Variants in CFAP44 observed in about 807,000 individuals in gnomAD.
CFAP44 encodes the protein cilia- and flagella-associated protein 44.
CFAP44 carries 134 observed loss-of-function variants against 216.2 expected under a neutral mutation model. The observed-to-expected ratio is 0.62, with a 90% CI of 0.54 to 0.72. The LOEUF (loss-of-function observed/expected upper bound fraction) is 0.72, where lower values mean the gene tolerates loss of function less well. Ranked by LOEUF, CFAP44 falls within the 30% of genes least tolerant of loss-of-function variation. CFAP44 has a pLI of 0.00. For missense variants in CFAP44, 2,035 were observed against 2,182.1 expected, an observed-to-expected ratio of 0.93 and a Z score of 1.34; for synonymous variants, 700 against 727.6, an observed-to-expected ratio of 0.96 and a Z score of 0.61.
At chr3:113,418,574 C>G (rs1424970936) in intron 5 of CFAP44, among the ~76,000 whole-genome samples, 1 of 152,194 alleles carries the variant, frequency 6.6e-6, no homozygotes, top group Non-Finnish European at 1.5e-5. Flanking sequence ...GTAACACGGA[C>G]AGTGGAGGCA....
chr3:113,427,608 G>T, intron 2 of CFAP44: 1 of 294,344 alleles, frequency 3.4e-6, no homozygotes, highest in Non-Finnish European at 6.1e-6. Flanking sequence ...AAAAGAAAGA[G>T]GTTAGTATGC....
intron 22 of CFAP44, among the ~76,000 whole-genome samples, chr3:113,345,743 T>C (rs931807862): frequency 1.3e-5 from 2 of 152,146 alleles, no homozygotes; most frequent in African/African-American, 4.8e-5. Flanking sequence ...GGGGCATTGG[T>C]TCATAATTAT....
intron 34 of CFAP44, chr3:113,293,847 C>G (rs1949854834): frequency 2.9e-6 from 1 of 341,658 alleles, no homozygotes; most frequent in Non-Finnish European, 5.7e-6. Flanking sequence ...TTCTTAAACT[C>G]TAGTGTGCTT....
intron 34 of CFAP44, among the ~76,000 whole-genome samples, chr3:113,292,928 G>A (rs1261397609): frequency 6.6e-6 from 1 of 152,200 alleles, no homozygotes; most frequent in Non-Finnish European, 1.5e-5. Context: ...GTGCATGGAT[G>A]TGAAACATGG....
chr3:113,418,296 AG>A lies in CFAP44; in HGVS notation c.571-1670del, dbSNP rs373896325. Among the ~76,000 whole-genome samples, 283 of 152,214 alleles carry A rather than the reference AG, an allele frequency of 1.9e-3. 2 individuals carry two copies. The highest frequency in any genetic ancestry group is 5.5e-3 in the African/African-American group (230 of 41,540). ...GATACGGGGTTTTACCATGTTGGCCAGGCTTGTCTTGAACTCCTGGCCTCAA... is the reference window on the plus strand; with the variant it reads ...GATACGGGGTTTTACCATGTTGGCCAGCTTGTCTTGAACTCCTGGCCTCAA... On this transcript the variant is annotated intron_variant, in intron 5 of 34. Coordinates refer to ENST00000393845, the MANE Select transcript of CFAP44 (RefSeq NM_001164496.2).
rs534192528 is a variant in CFAP44, at chr3:113,358,769, A to C, written c.3041T>G (p.Leu1014Arg). Residue 1014 changes from leucine (L) to arginine (R), a missense_variant, in exon 22 of 35, where the codon CTC (leucine) becomes CGC (arginine). Around this residue, in one of 3 missense-constraint regions of CFAP44, gnomAD observed 1,883 missense variants for 2,023.7 expected, o/e 0.93. Coordinates refer to ENST00000393845, the MANE Select transcript of CFAP44 (RefSeq NM_001164496.2). ...ELAWEKEKHE[L>R]GLMKLKNRFR... The stretch of plus-strand genomic sequence containing the variant: ...CCGATTCTTTAGCTTCATTAGGCCG[A>C]GTTCATGTTTCTCTTTTTCCCAAGC... 3 of 1,536,706 alleles carry C rather than the reference A, an allele frequency of 2.0e-6. No homozygotes were observed. In the Admixed American group the frequency reaches 5.9e-5, roughly 30 times the overall value.
chr3:113,438,107 C>T (rs1935278322), intron 1 of CFAP44, among the ~76,000 whole-genome samples: 1 of 152,196 alleles, frequency 6.6e-6, no homozygotes, highest in Non-Finnish European at 1.5e-5. Context: ...CACAATCAGG[C>T]ATAAGAACTG....
intron 28 of CFAP44, among the ~76,000 whole-genome samples, chr3:113,325,945 C>T (rs550304297): frequency 6.6e-6 from 1 of 152,150 alleles, no homozygotes; most frequent in Non-Finnish European, 1.5e-5. Context: ...GCAATTCAGT[C>T]GAAGAGAGAC....
chr3:113,441,224 C>T (rs1347667504), intron 1 of CFAP44, among the ~76,000 whole-genome samples: 2 of 152,210 alleles, frequency 1.3e-5, no homozygotes, highest in African/African-American at 4.8e-5. Flanking sequence ...GGCTGGCTTC[C>T]GCCCGGTCAG....
chr3:113,312,777 C>T (rs1366253077), intron 28 of CFAP44, among the ~76,000 whole-genome samples: 2 of 152,178 alleles, frequency 1.3e-5, no homozygotes, highest in South Asian at 2.1e-4. Flanking sequence ...TCAGAGGGTG[C>T]AAGCCTCATG....
chr3:113,342,490 A>G (rs1380166047), intron 23 of CFAP44, among the ~76,000 whole-genome samples: 1 of 152,234 alleles, frequency 6.6e-6, no homozygotes, highest in Non-Finnish European at 1.5e-5. Flanking sequence ...GATAAGATAT[A>G]TAATAAACAA....
At chr3:113,312,046 G>C (rs1020534012) in intron 28 of CFAP44, among the ~76,000 whole-genome samples, 1 of 149,526 alleles carries the variant, frequency 6.7e-6, no homozygotes, top group African/African-American at 2.5e-5. Flanking sequence ...AAGGCATTCA[G>C]TTTTGTGTGT....
At chr3:113,319,234 G>A (rs1399696876) in intron 28 of CFAP44, among the ~76,000 whole-genome samples, 4 of 152,152 alleles carry the variant, frequency 2.6e-5, no homozygotes, top group South Asian at 2.1e-4. Flanking sequence ...TGAAAGGATG[G>A]AGAAAGATCT....
chr3:113,303,976 A>C lies in CFAP44; in HGVS notation c.5017T>G (p.Trp1673Gly). 6.5e-7 allele frequency: 1 copy of C among 1,537,438 alleles called. No individual in the cohort carries two copies. Among genetic ancestry groups the C allele is most frequent in the Non-Finnish European group, 8.7e-7 (1 of 1,146,954 alleles). ...NSKQQKLNKEWRERRKQLIRE... is the reference protein window; with the variant it reads ...NSKQQKLNKEGRERRKQLIRE... The stretch of plus-strand genomic sequence containing the variant: ...ATGAGCTGTTTACGTCTCTCTCTCC[A>C]TTCTTTGTTAAGTTTTTGCTGCTTG... Residue 1673 changes from tryptophan to glycine, a missense_variant, in exon 32 of 35, where the codon TGG becomes GGG. Coordinates refer to ENST00000393845, the MANE Select transcript of CFAP44 (RefSeq NM_001164496.2).
intron 22 of CFAP44, among the ~76,000 whole-genome samples, chr3:113,357,268 C>A (rs918821714): frequency 3.3e-5 from 5 of 152,144 alleles, no homozygotes; most frequent in Non-Finnish European, 5.9e-5. Context: ...GCCCTAACCC[C>A]CAGCACCTCA....
chr3:113,383,598 G>T (rs1933569684), intron 15 of CFAP44, among the ~76,000 whole-genome samples: 1 of 152,002 alleles, frequency 6.6e-6, no homozygotes, highest in East Asian at 1.9e-4. Context: ...AGGAAATGAA[G>T]AAAAGAGTGA....
chr3:113,328,702 A>AAAAAAAAAAAAAAAAAAAAAAAGAG (rs1950212721), intron 26 of CFAP44, among the ~76,000 whole-genome samples: 1 of 45,178 alleles, frequency 2.2e-5, no homozygotes, highest in Non-Finnish European at 4.3e-5. Flanking sequence ...AGCTTAAAAA[A>AAAAAAAAAAAAAAAAAAAAAAAGAG]AAAAAAAAAA....
At chr3:113,362,183 A>C (rs1164866133) in intron 21 of CFAP44, among the ~76,000 whole-genome samples, 1 of 152,046 alleles carries the variant, frequency 6.6e-6, no homozygotes, top group Non-Finnish European at 1.5e-5. Context: ...AAATTCAAGA[A>C]AAACCATTAG....
chr3:113,342,443 T>G (rs960052102), intron 23 of CFAP44, among the ~76,000 whole-genome samples: 2 of 152,196 alleles, frequency 1.3e-5, no homozygotes, highest in African/African-American at 2.4e-5. Flanking sequence ...CTAAGCCACA[T>G]TTTTTGCTTT....
Sources: allele counts gnomAD v4.1 joint callset (sites outside exome capture counted in the v4.1 genomes callset), GRCh38; gene constraint gnomAD v4.1.1; regional missense constraint gnomAD v4.1.1; transcripts MANE v1.5; gene names NCBI Gene and HGNC (gene_info 2026-07-23, HGNC 2026-07-21).